The following BRWD1 variants were observed in gnomAD, a reference collection of about 807,000 sequenced individuals.
BRWD1 encodes bromodomain and WD repeat-containing protein 1.
BRWD1 carries 82 observed loss-of-function variants against 251.2 expected under a neutral mutation model. The observed-to-expected ratio is 0.33, with a 90% CI of 0.27 to 0.39. BRWD1 has a LOEUF of 0.39. Ranked by LOEUF, BRWD1 falls within the 10% of genes least tolerant of loss-of-function variation. BRWD1 has a pLI of 1.00. For synonymous variants in BRWD1, 918 were observed against 902.8 expected (o/e 1.02, Z -0.30); for missense variants, 2,233 against 2,711.6 (o/e 0.82, Z 3.92).
rs1174404898 is a variant in BRWD1 at position 39,187,407 on chromosome 21, AG to A, written c.*8851del. 1.9e-6 allele frequency: 3 copies of A among 1,556,400 alleles called. No homozygotes were observed. The highest frequency in any genetic ancestry group is 2.6e-6 in the Non-Finnish European group (3 of 1,155,024). On this transcript the variant is annotated 3_prime_UTR_variant, in exon 41 of 41. Coordinates refer to ENST00000342449, the MANE Select transcript of BRWD1 (RefSeq NM_033656.4). Reference sequence around the variant, plus strand: ...CTTTTGTATTGGGTTCTCTGTCTCTAGGAACAAATTCTGAAAAATGAGTGAA... The same window carrying A: ...CTTTTGTATTGGGTTCTCTGTCTCTAGAACAAATTCTGAAAAATGAGTGAA...
In BRWD1 at chr21:39,193,244, G is replaced by A; in HGVS notation, c.*3015C>T. The A allele has an allele frequency of 6.2e-6, 6 of 971,056 alleles. No homozygotes were observed. The highest frequency in any genetic ancestry group is 1.7e-5 in the African/African-American group (1 of 57,168). The allele number at this position is 971,056 out of a possible 1,614,324, so 60.2% of individuals were successfully genotyped here. On this transcript the variant is annotated 3_prime_UTR_variant, in exon 41 of 41. Transcript: ENST00000342449. ...ACCTTTCTGTTGTAATTTACAAGCT[G>A]TGAGTAACTGCTATATCATTGTTTC...
At chr21:39,304,951 T>C (rs2036238293) in intron 4 of BRWD1, among the ~76,000 whole-genome samples, 1 of 140,732 alleles carries the variant, frequency 7.1e-6, no homozygotes, top group African/African-American at 2.6e-5. Flanking sequence ...ACAGTCATAT[T>C]TGGAGATTTT....
At position 39,187,234 on chromosome 21, in the gene BRWD1, A is replaced by G; in HGVS notation, c.*9025T>C. 1 of 1,613,508 alleles carries G rather than the reference A, an allele frequency of 6.2e-7. No homozygotes were observed. The highest frequency in any genetic ancestry group is 8.5e-7 in the Non-Finnish European group (1 of 1,179,848). On this transcript the variant is annotated 3_prime_UTR_variant, in exon 41 of 41. Coordinates refer to ENST00000342449, the MANE Select transcript of BRWD1 (RefSeq NM_033656.4). ...AATCCAGACATTTTCTGGTCCTGAGATCGTTTCTTTTAGATTACTCATTAT... is the reference window on the plus strand; with the variant it reads ...AATCCAGACATTTTCTGGTCCTGAGGTCGTTTCTTTTAGATTACTCATTAT...
At chr21:39,244,992 A>T (rs2034134589) in intron 21 of BRWD1, among the ~76,000 whole-genome samples, 1 of 148,726 alleles carries the variant, frequency 6.7e-6, no homozygotes, top group Non-Finnish European at 1.5e-5. Context: ...AAAATGACAG[A>T]TAATAAAATA....
chr21:39,313,592 C>CCGT lies in BRWD1; in HGVS notation c.-102_-101insACG. The CCGT allele has an allele frequency of 3.6e-6, 1 of 275,064 alleles. No homozygotes were observed. Among genetic ancestry groups the CCGT allele is most frequent in the Admixed American group, 1.0e-4 (1 of 9,950 alleles). 17.0% of individuals were successfully genotyped at this position (275,064 alleles called of 1,614,324 possible). On this transcript the variant is annotated 5_prime_UTR_variant, in exon 1 of 41. Coordinates refer to ENST00000342449, the MANE Select transcript of BRWD1 (RefSeq NM_033656.4). ...GGCGTCCCCTCTTCTCAGGCGCGCG[C>CCGT]CGCCGCCGCCGCCGCCGCCGCCATA...
In BRWD1 at chr21:39,230,807, T is replaced by TA. The variant is rs554938911; in HGVS notation, c.3000+1369dup. 4.9e-3 allele frequency among the ~76,000 whole-genome samples: 686 copies of TA among 139,828 alleles called. 5 individuals carry two copies. The highest frequency in any genetic ancestry group is 0.014 in the African/African-American group (532 of 38,078). The allele number at this position is 139,828 out of a possible 152,430, so 91.7% of individuals were successfully genotyped here. ...GACACTTGTTTGCAGTGCGAGAGCT[T>TA]AAAAAAAAAAAAAGGCAGAGCAACA... On this transcript the variant is annotated intron_variant, in intron 25 of 40. Transcript: ENST00000342449.
intron 8 of BRWD1, among the ~76,000 whole-genome samples, chr21:39,293,581 T>C (rs1298739332): frequency 6.6e-6 from 1 of 152,106 alleles, no homozygotes; most frequent in Non-Finnish European, 1.5e-5. Context: ...TTGACACTCA[T>C]CCAGTTCAAC....
At position 39,268,018 on chromosome 21, in the gene BRWD1, T is replaced by C. The variant is rs2034979252; in HGVS notation, c.1530+1881A>G. On this transcript the variant is annotated intron_variant, in intron 15 of 40. Transcript: ENST00000342449. ...GCAGGTAGCCCCTGAACTTAGAAGT[T>C]GGAGGAGGAAAAAAAAATACCACTG... Among the ~76,000 whole-genome samples the C allele has an allele frequency of 2.0e-5, 3 of 152,058 alleles. No homozygotes were observed. The South Asian group carries it at 6.2e-4, about 31-fold the overall frequency.
chr21:39,249,027 C>G (rs945344914), intron 20 of BRWD1, among the ~76,000 whole-genome samples: 1 of 151,216 alleles, frequency 6.6e-6, no homozygotes, highest in East Asian at 1.9e-4. Context: ...GAATACTACC[C>G]AGCCATAAAA....
rs1235689091 is a variant in BRWD1 at position 39,186,513 on chromosome 21, T to G, written c.*9746A>C. 6.6e-6 allele frequency: 1 copy of G among 152,210 alleles called. No individual in the cohort carries two copies. Among genetic ancestry groups the G allele is most frequent in the Non-Finnish European group, 1.5e-5 (1 of 68,032 alleles). The allele number at this position is 152,210 out of a possible 1,614,324, so 9.4% of individuals were successfully genotyped here. A position where few individuals can be genotyped will look rare whatever the true frequency, so the allele number is the denominator to read the frequency against. ...GTGAATTGTAGGGAATGGATCTGGG[T>G]AGTTTTTGCTTCACTCAGAAGTCAA... On this transcript the variant is annotated 3_prime_UTR_variant, in exon 41 of 41. Transcript: ENST00000342449.
In BRWD1 at chr21:39,245,899, G is replaced by A. The variant is rs147940604; in HGVS notation, c.2481+1802C>T. Among the ~76,000 whole-genome samples the A allele has an allele frequency of 3.8e-3, 573 of 152,092 alleles. 2 individuals carry two copies. Among genetic ancestry groups the A allele is most frequent in the African/African-American group, 0.013 (543 of 41,502 alleles). The stretch of plus-strand genomic sequence containing the variant: ...TTACAGGCATGAGCCACCGTGCCCG[G>A]CCTATTAAATACTCTTTACCAAAAA... On this transcript the variant is annotated intron_variant, in intron 21 of 40. Transcript: ENST00000342449.
Position 39,224,461 on chromosome 21 carries a change from T to G in BRWD1, c.3329A>C (p.Asn1110Thr). ...HFQCYIVRWD[N>T]TEIEKLSPWD... The stretch of plus-strand genomic sequence containing the variant: ...TGGGCTAAGTTTTTCAATTTCAGTA[T>G]TATCCCACCTGTTAAAAAACAACAA... The change falls in exon 29 of 41, where the codon AAT becomes ACT. Residue 1110 changes from asparagine to threonine, a missense_variant. Asn to Thr is a moderately conservative substitution (Grantham distance 65). Coordinates refer to ENST00000342449, the MANE Select transcript of BRWD1 (RefSeq NM_033656.4). 9 of 1,597,994 alleles carry G rather than the reference T, an allele frequency of 5.6e-6. No individual in the cohort carries two copies. Among genetic ancestry groups the G allele is most frequent in the Non-Finnish European group, 6.8e-6 (8 of 1,170,266 alleles).
At chr21:39,250,216 A>C (rs2146609577) in intron 20 of BRWD1, among the ~76,000 whole-genome samples, 1 of 152,250 alleles carries the variant, frequency 6.6e-6, no homozygotes, top group East Asian at 1.9e-4. Flanking sequence ...TTGTTCGGAT[A>C]AGGCAATAAG....
chr21:39,248,125 C>T (rs2034260554), intron 20 of BRWD1, among the ~76,000 whole-genome samples: 1 of 152,028 alleles, frequency 6.6e-6, no homozygotes, highest in Non-Finnish European at 1.5e-5. Context: ...AAGGATGTCA[C>T]CTTAAAAGTA....
intron 4 of BRWD1, chr21:39,312,604 C>G: frequency 2.7e-6 from 1 of 365,978 alleles, no homozygotes. Flanking sequence ...AGGACCTCCG[C>G]GAGTCGCCCC....
intron 11 of BRWD1, 142 bp from the exon 12 acceptor site, chr21:39,276,355 T>C (rs2035281923): frequency 5.7e-6 from 3 of 529,980 alleles, no homozygotes; most frequent in Non-Finnish European, 9.5e-6. Flanking sequence ...TCATTCAACA[T>C]GTTTTATAAT....
intron 26 of BRWD1, 122 bp from the exon 27 acceptor site, chr21:39,228,704 A>G (rs2033484100): frequency 1.7e-6 from 1 of 584,138 alleles, no homozygotes; most frequent in Non-Finnish European, 3.1e-6. Flanking sequence ...AACCAGCTAT[A>G]TTTTAAAAGG....
rs368121905 is a variant in BRWD1 at position 39,187,018 on chromosome 21, C to T, written c.*9241G>A. The T allele has an allele frequency of 2.3e-5, 36 of 1,539,718 alleles. No individual in the cohort carries two copies. Among genetic ancestry groups the T allele is most frequent in the Non-Finnish European group, 2.8e-5 (32 of 1,150,592 alleles). ...TTTTCAGATGCCACTTCTACATTCT[C>T]ATAGTCACTATTGTGCATTTTCTTT... On this transcript the variant is annotated 3_prime_UTR_variant, in exon 41 of 41. Transcript: ENST00000342449.
intron 10 of BRWD1, 165 bp downstream of exon 10, chr21:39,278,578 C>A: frequency 1.8e-6 from 1 of 541,242 alleles, no homozygotes; most frequent in Non-Finnish European, 3.3e-6. Flanking sequence ...GACTGGAGGA[C>A]TGGAAGAACA....
Sources: gnomAD v4.1 joint callset for allele counts (sites outside exome capture counted in the v4.1 genomes callset) on GRCh38, gnomAD v4.1.1 for gene constraint, MANE v1.5 for transcripts, NCBI Gene and HGNC (gene_info 2026-07-23, HGNC 2026-07-21) for gene names.